The following MAPKAP1 variants were observed in gnomAD, a reference collection of about 807,000 sequenced individuals.
MAPKAP1 encodes the protein MAPK associated protein 1.
Under a neutral mutation model 65.7 loss-of-function variants are expected in MAPKAP1, and 20 were observed. The ratio of observed to expected loss-of-function variants is 0.30; its 90% CI spans 0.21 to 0.44. The LOEUF (loss-of-function observed/expected upper bound fraction) is 0.44. Ranked by LOEUF, MAPKAP1 falls within the 20% of genes least tolerant of loss-of-function variation. MAPKAP1 has a pLI of 1.00. For missense variants in MAPKAP1, 423 were observed against 648.0 expected, an observed-to-expected ratio of 0.65 and a Z score of 3.77; for synonymous variants, 222 against 244.3, an observed-to-expected ratio of 0.91 and a Z score of 0.85.
At chr9:125,601,389 C>T (rs1375843394) in intron 4 of MAPKAP1, among the ~76,000 whole-genome samples, 2 of 152,172 alleles carry the variant, frequency 1.3e-5, no homozygotes, top group Admixed American at 6.5e-5. Flanking sequence ...TCACTATTCA[C>T]ATTAAAATTG....
At chr9:125,689,026 C>T (rs890584282) in intron 1 of MAPKAP1, among the ~76,000 whole-genome samples, 1 of 152,172 alleles carries the variant, frequency 6.6e-6, no homozygotes, top group African/African-American at 2.4e-5. Context: ...ATTCAATAAG[C>T]ATGACTACAT....
chr9:125,463,173 G>A (rs867773486), intron 10 of MAPKAP1, among the ~76,000 whole-genome samples: 4 of 152,214 alleles, frequency 2.6e-5, no homozygotes, highest in South Asian at 2.1e-4. Flanking sequence ...CTATTACCGC[G>A]TTAACATTCT....
intron 7 of MAPKAP1, among the ~76,000 whole-genome samples, chr9:125,518,560 C>T (rs1193711927): frequency 6.6e-6 from 1 of 152,116 alleles, no homozygotes; most frequent in African/African-American, 2.4e-5. Context: ...GTGTCAGCTA[C>T]TTGGCAGGCT....
At chr9:125,652,211 T>A (rs1308523761) in intron 4 of MAPKAP1, 1 of 1,315,520 alleles carries the variant, frequency 7.6e-7, no homozygotes, top group South Asian at 1.2e-5. Flanking sequence ...TGCCAATGAT[T>A]GTAGAAAACA....
intron 7 of MAPKAP1, among the ~76,000 whole-genome samples, chr9:125,519,235 T>G (rs1412940335): frequency 6.6e-6 from 1 of 152,040 alleles, no homozygotes; most frequent in Non-Finnish European, 1.5e-5. Flanking sequence ...GTTCCTGAGG[T>G]CCATAGTCAA....
chr9:125,701,813 T>G, intron 1 of MAPKAP1, among the ~76,000 whole-genome samples: 1 of 152,208 alleles, frequency 6.6e-6, no homozygotes, highest in East Asian at 1.9e-4. Flanking sequence ...TAAGGTCATC[T>G]CACCAGCCAG....
At chr9:125,576,217 G>C (rs1221592751) in intron 5 of MAPKAP1, among the ~76,000 whole-genome samples, 2 of 152,212 alleles carry the variant, frequency 1.3e-5, no homozygotes, top group South Asian at 4.1e-4. Flanking sequence ...TTTTAGGGCA[G>C]TGAAGCCATT....
At chr9:125,615,505 C>T (rs1436737299) in intron 4 of MAPKAP1, among the ~76,000 whole-genome samples, 2 of 128,004 alleles carry the variant, frequency 1.6e-5, no homozygotes, top group African/African-American at 3.2e-5. Context: ...CCAGCCTGGC[C>T]AACATGGCAA....
At chr9:125,697,118 T>C (rs1414256615) in intron 1 of MAPKAP1, among the ~76,000 whole-genome samples, 1 of 152,174 alleles carries the variant, frequency 6.6e-6, no homozygotes, top group Non-Finnish European at 1.5e-5. Context: ...CTGTCTTAAA[T>C]AGGACTTTTG....
At chr9:125,509,125 G>A (rs1829227344) in intron 7 of MAPKAP1, among the ~76,000 whole-genome samples, 1 of 151,970 alleles carries the variant, frequency 6.6e-6, no homozygotes, top group South Asian at 2.1e-4. Context: ...CTAGAATAGT[G>A]GACATGAAAT....
At chr9:125,516,350 T>A (rs1002694002) in intron 7 of MAPKAP1, among the ~76,000 whole-genome samples, 3 of 152,098 alleles carry the variant, frequency 2.0e-5, no homozygotes, top group Non-Finnish European at 2.9e-5. Flanking sequence ...AACCAGAAAT[T>A]AAAGACAAAG....
chr9:125,659,047 C>T (rs889631899), intron 3 of MAPKAP1, among the ~76,000 whole-genome samples: 4 of 151,818 alleles, frequency 2.6e-5, no homozygotes, highest in East Asian at 3.9e-4. Flanking sequence ...CACAGGAGTT[C>T]GACATAATCA....
At chr9:125,548,373 T>C (rs1271278554) in intron 6 of MAPKAP1, among the ~76,000 whole-genome samples, 1 of 151,954 alleles carries the variant, frequency 6.6e-6, no homozygotes, top group African/African-American at 2.4e-5. Flanking sequence ...GGTGAGAGGG[T>C]CCGGGAAGCT....
chr9:125,610,577 C>G (rs76879782), intron 4 of MAPKAP1, among the ~76,000 whole-genome samples: 1 of 152,032 alleles, frequency 6.6e-6, no homozygotes, highest in African/African-American at 2.4e-5. Context: ...TCCTCACAAC[C>G]CACCACCACC....
rs138102161 is a variant in MAPKAP1 at position 125,657,792 on chromosome 9, C to T, written c.357G>A (p.Glu119=). Residue 119 remains glutamate, a synonymous_variant, in exon 4 of 12, where the codon GAG becomes GAA. Coordinates refer to ENST00000265960, the MANE Select transcript of MAPKAP1 (RefSeq NM_001006617.3). The part of the protein sequence containing the change: ...KERNSKQSAQ[E]LKSLFEKKSL... ...ATTTTTTTTCAAACAGTGACTTTAACTCCTGGGCTGTGATACAAGAGGAAG... is the reference window on the plus strand; with the variant it reads ...ATTTTTTTTCAAACAGTGACTTTAATTCCTGGGCTGTGATACAAGAGGAAG... The T allele has an allele frequency of 2.0e-4, 315 of 1,613,124 alleles. No homozygotes were observed. The African/African-American group carries it at 3.6e-3, about 19-fold the overall frequency.
chr9:125,685,904 C>T (rs1482253076), intron 1 of MAPKAP1, among the ~76,000 whole-genome samples: 1 of 152,192 alleles, frequency 6.6e-6, no homozygotes, highest in African/African-American at 2.4e-5. Context: ...TCTCCCATTA[C>T]AATCTAAGAT....
At chr9:125,675,659 TACTTAAAG>T (rs1834622701) in intron 1 of MAPKAP1, among the ~76,000 whole-genome samples, 1 of 152,238 alleles carries the variant, frequency 6.6e-6, no homozygotes, top group Non-Finnish European at 1.5e-5. Context: ...CAATTACATG[TACTTAAAG>T]ACTTAGACTA....
intron 10 of MAPKAP1, among the ~76,000 whole-genome samples, chr9:125,465,956 C>T (rs556720540): frequency 6.6e-6 from 1 of 152,296 alleles, no homozygotes; most frequent in East Asian, 1.9e-4. Context: ...GCATCGTGTG[C>T]AAGTAGTTAC....
chr9:125,645,230 T>C (rs1162888567), intron 4 of MAPKAP1, among the ~76,000 whole-genome samples: 4 of 152,158 alleles, frequency 2.6e-5, no homozygotes, highest in Non-Finnish European at 5.9e-5. Flanking sequence ...GCAGAAGAGC[T>C]ACAGAGGCAA....
Sources: gnomAD v4.1 joint callset for allele counts (sites outside exome capture counted in the v4.1 genomes callset) on GRCh38, gnomAD v4.1.1 for gene constraint, MANE v1.5 for transcripts, NCBI Gene and HGNC (gene_info 2026-07-23, HGNC 2026-07-21) for gene names.